The following CLEC4F variants were observed in gnomAD, a reference collection of about 807,000 sequenced individuals.
CLEC4F encodes the protein C-type lectin domain family 4 member F.
CLEC4F carries 45 observed loss-of-function variants against 53.4 expected under a neutral mutation model. The ratio of observed to expected loss-of-function variants is 0.84; its 90% CI spans 0.66 to 1.08. The LOEUF is 1.08. CLEC4F is among the 50% of genes least tolerant of loss of function. The pLI is 0.00. For missense variants in CLEC4F, 753 were observed against 698.2 expected, an observed-to-expected ratio of 1.08 and a Z score of -0.88; for synonymous variants, 245 against 257.5, an observed-to-expected ratio of 0.95 and a Z score of 0.46.
At chr2:70,820,683 A>C (rs1574386356), upstream of CLEC4F, 9 of 658,918 alleles carry the variant, frequency 1.4e-5, no homozygotes, top group East Asian at 3.1e-5. Flanking sequence ...CTCTGCAGAA[A>C]CCCGCCCCAG....
chr2:70,815,664 C>T (rs538818113), intron 4 of CLEC4F, among the ~76,000 whole-genome samples: 21 of 152,312 alleles, frequency 1.4e-4, no homozygotes, highest in Middle Eastern at 3.4e-3. Flanking sequence ...AGGTAAGTAA[C>T]AGGCTCAAGG....
intron 2 of CLEC4F, 110 bp downstream of exon 2, chr2:70,819,665 A>G (rs1677121568): frequency 8.0e-6 from 7 of 879,056 alleles, no homozygotes; most frequent in Non-Finnish European, 1.1e-5. Flanking sequence ...TGGAGGTGGA[A>G]TGATCTTTCT....
chr2:70,817,186 T>A, intron 3 of CLEC4F, 74 bp from the exon 4 acceptor site: 1 of 1,465,228 alleles, frequency 6.8e-7, no homozygotes, highest in African/African-American at 1.4e-5. Flanking sequence ...CCACCCAGAG[T>A]GTTTCTAACA....
At chr2:70,824,250 C>T (rs185694825), upstream of CLEC4F, among the ~76,000 whole-genome samples, 305 of 146,146 alleles carry the variant, frequency 2.1e-3, no homozygotes, top group African/African-American at 6.2e-3. Flanking sequence ...AATACAGCAA[C>T]AACAATTCAA....
At chr2:70,818,583 C>T (rs10175452) in intron 3 of CLEC4F, among the ~76,000 whole-genome samples, 53,891 of 151,426 alleles carry the variant, frequency 0.36, 10,051 homozygotes, top group East Asian at 0.52. Context: ...TGGTGGCGGG[C>T]GCCTGTAGTC....
intron 4 of CLEC4F, 120 bp downstream of exon 4, chr2:70,815,874 T>G: frequency 8.9e-7 from 1 of 1,127,240 alleles, no homozygotes; most frequent in Non-Finnish European, 1.3e-6. Context: ...CTTGGGCCCA[T>G]TTCCCTGGAT....
At chr2:70,814,662 G>T (rs1162892039) in intron 4 of CLEC4F, among the ~76,000 whole-genome samples, 1 of 151,910 alleles carries the variant, frequency 6.6e-6, no homozygotes, top group African/African-American at 2.4e-5. Context: ...TTTTTCTTTT[G>T]CTTTATAATT....
At chr2:70,814,292 G>A (rs1026102074) in intron 4 of CLEC4F, among the ~76,000 whole-genome samples, 1 of 152,114 alleles carries the variant, frequency 6.6e-6, no homozygotes, top group Admixed American at 6.5e-5. Flanking sequence ...CTGGAAAAAC[G>A]TCAACCTGGT....
chr2:70,810,761 A>T (rs531413002), intron 5 of CLEC4F: 1 of 471,186 alleles, frequency 2.1e-6, no homozygotes, highest in East Asian at 5.0e-5. Context: ...AATTAATGTT[A>T]ATTATGTGAT....
intron 4 of CLEC4F, among the ~76,000 whole-genome samples, chr2:70,814,838 C>CAAA (rs60330725): frequency 2.8e-4 from 39 of 140,972 alleles, no homozygotes; most frequent in African/African-American, 8.3e-4. Context: ...ACACCCTCAC[C>CAAA]AAAAAAAAAA....
intron 4 of CLEC4F, 48 bp downstream of exon 4, chr2:70,815,946 C>T (rs782794476): frequency 1.3e-6 from 2 of 1,563,904 alleles, no homozygotes; most frequent in South Asian, 2.4e-5. Context: ...ACTCTACCCT[C>T]TCAAGAGACT....
chr2:70,813,515 CTT>C (rs782056560), intron 4 of CLEC4F, among the ~76,000 whole-genome samples: 1 of 8,018 alleles, frequency 1.2e-4, no homozygotes, highest in Non-Finnish European at 1.7e-3. Flanking sequence ...TCTTTCTTTT[CTT>C]TCTTTCTTTC....
intron 2 of CLEC4F, 136 bp downstream of exon 2, chr2:70,819,639 G>T (rs1677119260): frequency 1.2e-6 from 1 of 831,200 alleles, no homozygotes; most frequent in Non-Finnish European, 2.0e-6. Flanking sequence ...GGGAAGCTGT[G>T]GCTTGGGCCT....
In CLEC4F at chr2:70,816,872, C is replaced by T; in HGVS notation, c.509G>A (p.Arg170Lys). 3.1e-6 allele frequency: 5 copies of T among 1,614,154 alleles called. No homozygotes were observed. The highest frequency in any genetic ancestry group is 4.2e-6 in the Non-Finnish European group (5 of 1,180,018). The change falls in exon 4 of 7, where the codon AGG becomes AAG. Residue 170 changes from arginine to lysine, a missense_variant. Physicochemically the swap from Arg to Lys is conservative, Grantham distance 26. Coordinates refer to ENST00000272367, the MANE Select transcript of CLEC4F (RefSeq NM_173535.3). The stretch of plus-strand genomic sequence containing the variant: ...AGCATTGGTTCCCTCCAGGGAACTC[C>T]TTAACATCTGTGTCTGCAAACTCAA... ...TTLSLQTQMLRSSLEGTNAEI... is the reference protein window; with the variant it reads ...TTLSLQTQMLKSSLEGTNAEI...
intron 6 of CLEC4F, 100 bp downstream of exon 6, chr2:70,809,639 T>C (rs79364202): frequency 4.3e-6 from 4 of 935,518 alleles, no homozygotes; most frequent in Non-Finnish European, 5.2e-6. Flanking sequence ...CACACACATA[T>C]ACACACAACA....
chr2:70,812,668 A>T, intron 4 of CLEC4F, 70 bp from the exon 5 acceptor site: 1 of 1,534,438 alleles, frequency 6.5e-7, no homozygotes, highest in Non-Finnish European at 8.9e-7. Flanking sequence ...AACTTTTCTG[A>T]CCTCTCTAGG....
At chr2:70,819,332 C>T in intron 3 of CLEC4F, 23 bp downstream of exon 3, 2 of 1,600,090 alleles carry the variant, frequency 1.2e-6, no homozygotes, top group Non-Finnish European at 1.7e-6. Flanking sequence ...CCTCTGCACC[C>T]CACCCCCACT....
chr2:70,815,468 G>C (rs911629200), intron 4 of CLEC4F, among the ~76,000 whole-genome samples: 1 of 152,198 alleles, frequency 6.6e-6, no homozygotes, highest in Admixed American at 6.5e-5. Context: ...AGCTTCTCAA[G>C]GGTACCTATC....
upstream of CLEC4F, chr2:70,820,630 T>G: frequency 9.1e-7 from 1 of 1,099,090 alleles, no homozygotes; most frequent in South Asian, 1.5e-5. Flanking sequence ...CACACTTATA[T>G]GCTCCTGACC....
Sources: gnomAD v4.1 joint callset for allele counts (sites outside exome capture counted in the v4.1 genomes callset) on GRCh38, gnomAD v4.1.1 for gene constraint, MANE v1.5 for transcripts, NCBI Gene and HGNC (gene_info 2026-07-23, HGNC 2026-07-21) for gene names.